The following USP10 variants were observed in gnomAD, a reference collection of about 807,000 sequenced individuals.
USP10 encodes the protein ubiquitin specific peptidase 10.
In USP10, 22 loss-of-function variants were observed where a neutral mutation model predicts 84.5. The ratio of observed to expected loss-of-function variants is 0.26; its 90% confidence interval spans 0.19 to 0.37. The LOEUF (loss-of-function observed/expected upper bound fraction) is 0.37, where lower values mean the gene tolerates loss of function less well. Ranked by LOEUF, USP10 falls within the 10% of genes least tolerant of loss-of-function variation. The pLI is 1.00. For missense variants in USP10, 1,019 were observed against 998.9 expected, an observed-to-expected ratio of 1.02 and a Z score of -0.27; for synonymous variants, 454 against 387.6, an observed-to-expected ratio of 1.17 and a Z score of -2.01.
At chr16:84,777,256 A>C (rs556037443) in intron 13 of USP10, among the ~76,000 whole-genome samples, 35 of 152,340 alleles carry the variant, frequency 2.3e-4, no homozygotes, top group African/African-American at 8.4e-4. Context: ...TTATGAAACT[A>C]GAATGGTGAC....
intron 8 of USP10, 128 bp from the exon 9 acceptor site, chr16:84,762,861 A>G (rs1913371080): frequency 1.8e-6 from 1 of 552,040 alleles, no homozygotes; most frequent in East Asian, 2.7e-5. Context: ...TCATCATGTC[A>G]TTGTTTGGAA....
intron 8 of USP10, among the ~76,000 whole-genome samples, chr16:84,762,052 G>T (rs1377930405): frequency 6.6e-6 from 1 of 152,284 alleles, no homozygotes; most frequent in Non-Finnish European, 1.5e-5. Context: ...AGGCAGTTGT[G>T]CTGTGAAGAA....
chr16:84,764,073 C>A lies in USP10; in HGVS notation c.1655-13C>A, dbSNP rs749343299. Reference sequence around the variant, plus strand: ...TCGTAAATAGTAGTGTAAGCAGATGCTCTCCTTTTCAGAACTTACGATTTC... The same window carrying A: ...TCGTAAATAGTAGTGTAAGCAGATGATCTCCTTTTCAGAACTTACGATTTC... On this transcript the variant is annotated splice_polypyrimidine_tract_variant and intron_variant, in intron 9 of 13. Coordinates refer to ENST00000219473, the MANE Select transcript of USP10 (RefSeq NM_005153.3). 1 of 1,608,130 alleles carries A rather than the reference C, an allele frequency of 6.2e-7. No individual in the cohort carries two copies. The highest frequency in any genetic ancestry group is 1.3e-5 in the African/African-American group (1 of 74,344).
chr16:84,704,865 G>A, intron 1 of USP10: 2 of 1,535,730 alleles, frequency 1.3e-6, no homozygotes, highest in Non-Finnish European at 1.7e-6. Flanking sequence ...GGGCAGGTAA[G>A]GTGTTGAGAT....
Position 84,704,019 on chromosome 16 carries a change from A to G in USP10, c.21+3908A>G, listed in dbSNP as rs1449409175. 2.0e-5 allele frequency among the ~76,000 whole-genome samples: 3 copies of G among 152,264 alleles called. No individual in the cohort carries two copies. In the East Asian group the frequency reaches 5.8e-4, roughly 29 times the overall value. On this transcript the variant is annotated intron_variant, in intron 1 of 13. Coordinates refer to ENST00000219473, the MANE Select transcript of USP10 (RefSeq NM_005153.3). ...GGAAAACTTAAAGGAGAAAAGGATT[A>G]CGAAGCTTAATGATTGCTGTTTAAT...
In USP10 at chr16:84,764,130, G is replaced by C; in HGVS notation, c.1699G>C (p.Glu567Gln). Reference protein sequence around the residue: ...NGPKNHSVNEEEQEEQGEGSE... With the variant: ...NGPKNHSVNEQEQEEQGEGSE... ...CCCCAAAAACCACTCGGTCAATGAA[G>C]AAGAGCAGGAAGAACAAGGTGAAGG... is the stretch of plus-strand genomic sequence containing the variant. The change falls in exon 10 of 14, where the codon GAA becomes CAA. Residue 567 changes from glutamate to glutamine, a missense_variant. Around this residue, in one of 2 missense-constraint regions of USP10, gnomAD observed 787 missense variants for 708.8 expected, o/e 1.11. Coordinates refer to ENST00000219473, the MANE Select transcript of USP10 (RefSeq NM_005153.3). 6.2e-7 allele frequency: 1 copy of C among 1,613,780 alleles called. No individual in the cohort carries two copies. Among genetic ancestry groups the C allele is most frequent in the Non-Finnish European group, 8.5e-7 (1 of 1,179,806 alleles).
chr16:84,700,928 A>C lies in USP10; in HGVS notation c.21+817A>C, dbSNP rs982635611. ...TCTCACATCTTCTCCCCCCTCCGCC[A>C]TTATAATTATTCTGGACAAAAATCG... On this transcript the variant is annotated intron_variant, in intron 1 of 13. Coordinates refer to ENST00000219473, the MANE Select transcript of USP10 (RefSeq NM_005153.3). 4.0e-5 allele frequency among the ~76,000 whole-genome samples: 6 copies of C among 148,774 alleles called. No homozygotes were observed. In the Admixed American group the frequency reaches 4.0e-4, roughly 10 times the overall value.
At chr16:84,772,467 G>T (rs1345717117) in intron 11 of USP10, 74 bp from the exon 12 acceptor site, 3 of 1,594,592 alleles carry the variant, frequency 1.9e-6, no homozygotes, top group Non-Finnish European at 2.6e-6. Flanking sequence ...ACGTCTTTGA[G>T]CGGAAGGTGG....
chr16:84,724,162 T>C (rs910894940), intron 1 of USP10, among the ~76,000 whole-genome samples: 20 of 152,244 alleles, frequency 1.3e-4, no homozygotes, highest in Admixed American at 1.2e-3. Context: ...TATTTAGTAC[T>C]AGTTAAGAGC....
intron 4 of USP10, among the ~76,000 whole-genome samples, chr16:84,751,025 C>G (rs558674818): frequency 6.6e-6 from 1 of 152,202 alleles, no homozygotes; most frequent in African/African-American, 2.4e-5. Context: ...AATGAACATA[C>G]AGTTATGTGC....
intron 1 of USP10, chr16:84,732,464 TGA>T: frequency 4.9e-6 from 2 of 408,342 alleles, no homozygotes; most frequent in South Asian, 1.7e-5. Flanking sequence ...TTTTTCTTTT[TGA>T]GATGGAGTCT....
intron 1 of USP10, among the ~76,000 whole-genome samples, chr16:84,717,929 G>T (rs1329204261): frequency 1.3e-5 from 2 of 152,204 alleles, no homozygotes; most frequent in Non-Finnish European, 2.9e-5. Flanking sequence ...GATGGTCCCA[G>T]AAATTTGGGA....
rs1402312931 is a variant in USP10 at position 84,768,316 on chromosome 16, A to T, written c.1956A>T (p.Ala652=). The part of the protein sequence containing the change: ...TVQDALESLV[A]RESVQGYTTK... ...AGGATGCACTGGAGAGCTTGGTGGCAAGAGAATCTGTCCAAGGTTATACCA... is the reference window on the plus strand; with the variant it reads ...AGGATGCACTGGAGAGCTTGGTGGCTAGAGAATCTGTCCAAGGTTATACCA... The change falls in exon 11 of 14, where the codon GCA becomes GCT. Residue 652 remains alanine, a synonymous_variant. Coordinates refer to ENST00000219473, the MANE Select transcript of USP10 (RefSeq NM_005153.3). 6.2e-7 allele frequency: 1 copy of T among 1,610,304 alleles called. No homozygotes were observed. The highest frequency in any genetic ancestry group is 1.3e-5 in the African/African-American group (1 of 74,908).
At chr16:84,706,115 C>G (rs1905466479) in intron 1 of USP10, among the ~76,000 whole-genome samples, 1 of 152,102 alleles carries the variant, frequency 6.6e-6, no homozygotes, top group South Asian at 2.1e-4. Context: ...CTCCTGGCCT[C>G]AAGGGATCCC....
At chr16:84,743,632 TC>T (rs536380536) in intron 3 of USP10, among the ~76,000 whole-genome samples, 200 of 152,348 alleles carry the variant, frequency 1.3e-3, no homozygotes, top group Non-Finnish European at 2.4e-3. Flanking sequence ...CATGTGTCCT[TC>T]CCTTAACTTC....
Position 84,759,897 on chromosome 16 carries a change from G to C in USP10, c.1401G>C (p.Arg467=). 6.2e-7 allele frequency: 1 copy of C among 1,613,862 alleles called. No homozygotes were observed. The highest frequency in any genetic ancestry group is 2.2e-5 in the East Asian group (1 of 44,868). ...TSTPMIDSFV[R]LMNEFTNMPV... is the part of the protein sequence containing the mutation. ...ATTTTTTCCCCATGTTTAGTGTTCG[G>C]CTAATGAATGAGTTCACTAATATGC... Residue 467 remains arginine (R), a synonymous_variant, in exon 7 of 14, where the codon CGG becomes CGC. Transcript: ENST00000219473.
intron 1 of USP10, chr16:84,732,501 C>T (rs1224567441): frequency 1.8e-5 from 7 of 381,880 alleles, no homozygotes; most frequent in East Asian, 1.1e-4. Flanking sequence ...GGCTGGGGTG[C>T]GGTGGCGCGA....
intron 4 of USP10, among the ~76,000 whole-genome samples, chr16:84,755,844 T>C (rs572842212): frequency 3.3e-5 from 5 of 151,746 alleles, no homozygotes; most frequent in African/African-American, 1.2e-4. Flanking sequence ...AATATACATA[T>C]ACGATTTACT....
intron 1 of USP10, among the ~76,000 whole-genome samples, chr16:84,711,106 C>G (rs1450633969): frequency 1.3e-5 from 2 of 152,100 alleles, no homozygotes; most frequent in Non-Finnish European, 2.9e-5. Context: ...CTTTGAAGAG[C>G]TGTCATGTCG....
Sources: allele counts gnomAD v4.1 joint callset (sites outside exome capture counted in the v4.1 genomes callset), GRCh38; gene constraint gnomAD v4.1.1; regional missense constraint gnomAD v4.1.1; transcripts MANE v1.5; gene names NCBI Gene and HGNC (gene_info 2026-07-23, HGNC 2026-07-21).